MYO10: variants seen among roughly 807,000 people sequenced by gnomAD.
MYO10 encodes myosin X.
Under a neutral mutation model 257.3 loss-of-function variants are expected in MYO10, and 133 were observed. The observed-to-expected ratio is 0.52, with a 90% CI of 0.45 to 0.60. MYO10 has a LOEUF of 0.60. Ranked by LOEUF, MYO10 falls within the 20% of genes least tolerant of loss-of-function variation. The pLI is 0.00. For synonymous variants in MYO10, 1,104 were observed against 1,028.6 expected, an observed-to-expected ratio of 1.07 and a Z score of -1.40; for missense variants, 2,399 against 2,635.7, an observed-to-expected ratio of 0.91 and a Z score of 1.97.
In MYO10 at chr5:16,701,272, C is replaced by T; in HGVS notation, c.3123G>A (p.Val1041=). ...EEDPYMNDTV[V]PTSPSADSTV... Reference sequence around the variant, plus strand: ...TGCTGTCCGCACTGGGGCTGGTGGGCACCACCGTGTCGTTCATGTATGGGT... The same window carrying T: ...TGCTGTCCGCACTGGGGCTGGTGGGTACCACCGTGTCGTTCATGTATGGGT... Residue 1041 remains valine, a synonymous_variant, in exon 25 of 41, where the codon GTG becomes GTA. Transcript: ENST00000513610. This position sits in a 1 kb window ranked among gnomAD's most constrained non-coding sequence, Gnocchi z 8.1. 2 of 1,613,618 alleles carry T rather than the reference C, an allele frequency of 1.2e-6. No homozygotes were observed. The highest frequency in any genetic ancestry group is 2.2e-5 in the East Asian group (1 of 44,848).
At chr5:16,682,533 G>C (rs562854805) in intron 30 of MYO10, among the ~76,000 whole-genome samples, 20 of 152,118 alleles carry the variant, frequency 1.3e-4, no homozygotes, top group Non-Finnish European at 2.4e-4. Context: ...TCCTAGTCAC[G>C]GATAACGTGA....
chr5:16,736,171 G>A (rs1001640258), intron 19 of MYO10, among the ~76,000 whole-genome samples: 4 of 152,134 alleles, frequency 2.6e-5, no homozygotes, highest in Admixed American at 6.5e-5. Flanking sequence ...ACTTTGTAGC[G>A]ACAGGCTGGA....
intron 24 of MYO10, 138 bp downstream of exon 24, chr5:16,702,405 G>T: frequency 1.2e-6 from 1 of 808,292 alleles, no homozygotes; most frequent in African/African-American, 1.7e-5. Context: ...GTCAGAAATT[G>T]GATCATAAAC....
chr5:16,854,564 G>T (rs1743905039), intron 2 of MYO10, among the ~76,000 whole-genome samples: 2 of 151,994 alleles, frequency 1.3e-5, no homozygotes, highest in Non-Finnish European at 2.9e-5. Context: ...GGGAGAGCTT[G>T]GGAATGACAG....
chr5:16,746,855 A>G (rs1285608582), intron 19 of MYO10, among the ~76,000 whole-genome samples: 3 of 152,232 alleles, frequency 2.0e-5, no homozygotes, highest in Non-Finnish European at 4.4e-5. Context: ...TCTGTGAAAC[A>G]TGGCAATAAA....
At chr5:16,728,746 C>G (rs1215588125) in intron 19 of MYO10, among the ~76,000 whole-genome samples, 1 of 152,146 alleles carries the variant, frequency 6.6e-6, no homozygotes, top group Non-Finnish European at 1.5e-5. Context: ...TGCACTAGGA[C>G]CTGTGTCTAG....
chr5:16,783,165 G>GTATCATGAGAA (rs1741472429), intron 5 of MYO10, among the ~76,000 whole-genome samples, 170 bp downstream of exon 5: 1 of 152,172 alleles, frequency 6.6e-6, no homozygotes, highest in Non-Finnish European at 1.5e-5. Context: ...AGTTGTTGCT[G>GTATCATGAGAA]GGTTCATGAG....
chr5:16,777,839 C>CTTTTTTTTTTTTTTTTTTTTT (rs61326508), intron 9 of MYO10, among the ~76,000 whole-genome samples: 2 of 88,478 alleles, frequency 2.3e-5, no homozygotes, highest in African/African-American at 5.4e-5. Flanking sequence ...TTGCATCTAA[C>CTTTTTTTTTTTTTTTTTTTTT]TTTTTTTTTT....
intron 1 of MYO10, among the ~76,000 whole-genome samples, chr5:16,930,951 G>A (rs1391373810): frequency 6.6e-6 from 1 of 152,182 alleles, no homozygotes; most frequent in East Asian, 1.9e-4. Context: ...GTTACTCTAA[G>A]TCCAAACTGT....
chr5:16,757,868 T>C (rs964571459), intron 18 of MYO10, among the ~76,000 whole-genome samples: 4 of 152,218 alleles, frequency 2.6e-5, no homozygotes, highest in African/African-American at 9.6e-5. Flanking sequence ...TTTCACCATG[T>C]TGCCCCGGCT....
At chr5:16,753,002 A>G (rs963675106) in intron 19 of MYO10, among the ~76,000 whole-genome samples, 2 of 152,192 alleles carry the variant, frequency 1.3e-5, no homozygotes, top group African/African-American at 4.8e-5. Context: ...TCTTCAACAG[A>G]AAACCACTTT....
At chr5:16,827,147 T>C (rs1317521667) in intron 2 of MYO10, among the ~76,000 whole-genome samples, 1 of 152,182 alleles carries the variant, frequency 6.6e-6, no homozygotes, top group Non-Finnish European at 1.5e-5. Flanking sequence ...AGAATTTCAT[T>C]GGAATCTAAT....
At chr5:16,911,534 C>A (rs1329481288) in intron 1 of MYO10, among the ~76,000 whole-genome samples, 1 of 152,160 alleles carries the variant, frequency 6.6e-6, no homozygotes, top group Non-Finnish European at 1.5e-5. Flanking sequence ...GAGTTCAAGA[C>A]TAGGCTGGCC....
At chr5:16,927,359 C>T (rs1746164012) in intron 1 of MYO10, among the ~76,000 whole-genome samples, 1 of 152,186 alleles carries the variant, frequency 6.6e-6, no homozygotes, top group Non-Finnish European at 1.5e-5. Flanking sequence ...GAGTCTTGCT[C>T]TGTTGCCCAG....
At chr5:16,744,797 A>AT (rs774196141) in intron 19 of MYO10, among the ~76,000 whole-genome samples, 1 of 152,148 alleles carries the variant, frequency 6.6e-6, no homozygotes, top group Non-Finnish European at 1.5e-5. Flanking sequence ...AAAAAAAAAA[A>AT]TCCTAATCGC....
At chr5:16,767,249 C>A (rs896721636) in intron 10 of MYO10, among the ~76,000 whole-genome samples, 1 of 146,780 alleles carries the variant, frequency 6.8e-6, no homozygotes, top group Non-Finnish European at 1.5e-5. Flanking sequence ...CGGCTCACTG[C>A]AACCTCCGCG....
chr5:16,782,143 G>A (rs1267004873), intron 5 of MYO10, among the ~76,000 whole-genome samples: 1 of 152,070 alleles, frequency 6.6e-6, no homozygotes, highest in African/African-American at 2.4e-5. Context: ...CACAGAAAAA[G>A]CCCACCCCAA....
intron 1 of MYO10, among the ~76,000 whole-genome samples, chr5:16,910,016 T>A (rs1354254113): frequency 6.6e-6 from 1 of 152,180 alleles, no homozygotes; most frequent in South Asian, 2.1e-4. Flanking sequence ...ATGCTTCTTA[T>A]ACAGCCGCAG....
At position 16,851,678 on chromosome 5, in the gene MYO10, G is replaced by A. The variant is rs112381054; in HGVS notation, c.120+25931C>T. Among the ~76,000 whole-genome samples, 158 of 152,200 alleles carry A rather than the reference G, an allele frequency of 1.0e-3. 1 individual carries two copies. Among genetic ancestry groups the A allele is most frequent in the African/African-American group, 3.1e-3 (128 of 41,522 alleles). On this transcript the variant is annotated intron_variant, in intron 2 of 40. Coordinates refer to ENST00000513610, the MANE Select transcript of MYO10 (RefSeq NM_012334.3). The stretch of plus-strand genomic sequence containing the variant: ...TTATTTGCCATGCTAAGTCCTCTGC[G>A]AAGATCAAACCAAATAATGCAAACT...
Sources: allele counts gnomAD v4.1 joint callset (sites outside exome capture counted in the v4.1 genomes callset), GRCh38; gene constraint gnomAD v4.1.1; non-coding constraint Gnocchi (gnomAD v3.1); transcripts MANE v1.5; gene names NCBI Gene and HGNC (gene_info 2026-07-23, HGNC 2026-07-21).